ZNF112: variants seen among roughly 807,000 people sequenced by gnomAD.
ZNF112 encodes zinc finger protein 112 (Y14).
A neutral mutation model predicts 77.7 loss-of-function variants in ZNF112; 37 were observed. The observed-to-expected ratio is 0.48, with a 90% CI of 0.37 to 0.63. The LOEUF (loss-of-function observed/expected upper bound fraction) is 0.63, where lower values mean the gene tolerates loss of function less well. Among genes scored for constraint, ZNF112 ranks in the 20% least tolerant of loss-of-function variants. ZNF112 has a pLI of 0.00. For missense variants in ZNF112, 950 were observed against 1,077.4 expected (o/e 0.88, Z 1.66); for synonymous variants, 333 against 363.6 (o/e 0.92, Z 0.96).
At chr19:44,348,691 A>G (rs1970639739) in intron 1 of ZNF112, among the ~76,000 whole-genome samples, 1 of 152,160 alleles carries the variant, frequency 6.6e-6, no homozygotes, top group African/African-American at 2.4e-5. Flanking sequence ...AGATGCAGTG[A>G]AGTGGAAATG....
intron 1 of ZNF112, among the ~76,000 whole-genome samples, chr19:44,346,028 T>C (rs1970582872): frequency 6.6e-6 from 1 of 152,186 alleles, no homozygotes; most frequent in African/African-American, 2.4e-5. Context: ...CCACAGGCAA[T>C]TTGCCCACTC....
At chr19:44,337,517 G>C (rs551390309) in intron 2 of ZNF112, among the ~76,000 whole-genome samples, 4 of 140,592 alleles carry the variant, frequency 2.8e-5, no homozygotes, top group African/African-American at 1.0e-4. Context: ...TATTCTTTTG[G>C]ACATGGCTAT....
At chr19:44,365,159 T>TAC (rs1170894457) in intron 1 of ZNF112, among the ~76,000 whole-genome samples, 1 of 151,950 alleles carries the variant, frequency 6.6e-6, no homozygotes, top group African/African-American at 2.4e-5. Context: ...AGTTTTGAAA[T>TAC]ATATATCAGG....
intron 3 of ZNF112, among the ~76,000 whole-genome samples, chr19:44,332,667 G>A (rs1256240201): frequency 6.6e-6 from 1 of 152,120 alleles, no homozygotes; most frequent in Non-Finnish European, 1.5e-5. Context: ...GAACATGAAA[G>A]TAGCTTGTTA....
chr19:44,328,773 C>T lies in ZNF112; in HGVS notation c.1384G>A (p.Glu462Lys). 2 of 1,614,046 alleles carry T rather than the reference C, an allele frequency of 1.2e-6. No individual in the cohort carries two copies. The highest frequency in any genetic ancestry group is 1.1e-5 in the South Asian group (1 of 91,076). The change falls in exon 4 of 4, where the codon GAA becomes AAA. Residue 462 changes from glutamate to lysine, a missense_variant. Glu to Lys is a moderately conservative substitution (Grantham distance 56). Transcript: ENST00000354340. ...CACACATAGCGTTTATATGGTTGTT[C>T]CTTAGTGTGGACTATCTGAAGGTCC... is the stretch of plus-strand genomic sequence containing the variant. ...FQDLQIVHTK[E>K]QPYKRYVCSN...
chr19:44,338,619 G>A (rs1183787960), intron 2 of ZNF112, among the ~76,000 whole-genome samples: 3 of 152,150 alleles, frequency 2.0e-5, no homozygotes, highest in African/African-American at 4.8e-5. Context: ...TTAAAAATAA[G>A]GGAAGAGGTG....
chr19:44,340,282 GC>G, intron 2 of ZNF112, 133 bp downstream of exon 2: 1 of 1,198,664 alleles, frequency 8.3e-7, no homozygotes, highest in East Asian at 2.4e-5. Flanking sequence ...TGTCTGTGTT[GC>G]ACGGGGATTA....
intron 1 of ZNF112, among the ~76,000 whole-genome samples, chr19:44,345,065 G>T: frequency 6.6e-6 from 1 of 152,170 alleles, no homozygotes; most frequent in Non-Finnish European, 1.5e-5. Context: ...TAGGACAGTG[G>T]CTCTTAAGCT....
Position 44,327,207 on chromosome 19 carries a change from G to A in ZNF112, c.*226C>T. 2.2e-6 allele frequency: 1 copy of A among 450,862 alleles called. No individual in the cohort carries two copies. The highest frequency in any genetic ancestry group is 4.3e-5 in the South Asian group (1 of 23,472). 27.9% of individuals were successfully genotyped at this position (450,862 alleles called of 1,614,324 possible). A position where few individuals can be genotyped will look rare whatever the true frequency, so the allele number is the denominator to read the frequency against. On this transcript the variant is annotated 3_prime_UTR_variant, in exon 4 of 4. Coordinates refer to ENST00000354340, the MANE Select transcript of ZNF112 (RefSeq NM_013380.4). ...ATCACTGTACTTTTATTAAATTCCT[G>A]ACCATACTCATATTTTATAAGCCTT...
At chr19:44,342,734 G>C (rs1970512935) in intron 1 of ZNF112, among the ~76,000 whole-genome samples, 1 of 151,398 alleles carries the variant, frequency 6.6e-6, no homozygotes, top group African/African-American at 2.4e-5. Flanking sequence ...AGAATTGCTG[G>C]AATCCAGGAG....
At chr19:44,363,473 G>T (rs1334461012) in intron 1 of ZNF112, among the ~76,000 whole-genome samples, 1 of 151,928 alleles carries the variant, frequency 6.6e-6, no homozygotes, top group East Asian at 1.9e-4. Context: ...TTCCCCCAGT[G>T]GCAACCACTG....
chr19:44,339,669 G>T (rs1293713240), intron 2 of ZNF112, among the ~76,000 whole-genome samples: 1 of 152,146 alleles, frequency 6.6e-6, no homozygotes, highest in Non-Finnish European at 1.5e-5. Flanking sequence ...TCCCTGTAAT[G>T]AATCATTAAC....
intron 1 of ZNF112, among the ~76,000 whole-genome samples, chr19:44,348,798 G>C (rs892670739): frequency 1.3e-5 from 2 of 152,052 alleles, no homozygotes; most frequent in African/African-American, 4.8e-5. Context: ...AGATATTATA[G>C]GGAAATGTAT....
chr19:44,337,342 GTATATGTGTA>G (rs1359253645), intron 2 of ZNF112, among the ~76,000 whole-genome samples: 10 of 53,196 alleles, frequency 1.9e-4, no homozygotes, highest in East Asian at 5.7e-4. Flanking sequence ...TATACATTTT[GTATATGTGTA>G]AAATATATAT....
At position 44,328,315 on chromosome 19, in the gene ZNF112, C is replaced by G. The variant is rs1970175169; in HGVS notation, c.1842G>C (p.Arg614=). The change falls in exon 4 of 4, where the codon CGG becomes CGC. Residue 614 remains arginine, a synonymous_variant. Coordinates refer to ENST00000354340, the MANE Select transcript of ZNF112 (RefSeq NM_013380.4). ...TCTGATGGCCTTGAAGGTGTGAACT[C>G]CGACTGAAGCCCTTCCCACACTCCT... The part of the protein sequence containing the change: ...KCEECGKGFS[R]SSHLQGHQRV... 1 of 1,613,742 alleles carries G rather than the reference C, an allele frequency of 6.2e-7. No individual in the cohort carries two copies. The highest frequency in any genetic ancestry group is 1.3e-5 in the African/African-American group (1 of 74,806).
chr19:44,359,740 G>C (rs942675260), upstream of ZNF112, among the ~76,000 whole-genome samples: 2 of 152,054 alleles, frequency 1.3e-5, no homozygotes, highest in Non-Finnish European at 2.9e-5. Context: ...TTACAAACTT[G>C]TTTAGAAATT....
At chr19:44,366,799 A>T (rs1277988976) in intron 1 of ZNF112, among the ~76,000 whole-genome samples, 1 of 146,758 alleles carries the variant, frequency 6.8e-6, no homozygotes, top group Admixed American at 6.8e-5. Context: ...TCGGGAAATT[A>T]AAAAAAAAAA....
chr19:44,336,249 C>T (rs896092098), intron 3 of ZNF112, among the ~76,000 whole-genome samples: 2 of 152,212 alleles, frequency 1.3e-5, no homozygotes. Context: ...ATTTATTCTA[C>T]ACCTATTAGC....
intron 1 of ZNF112, among the ~76,000 whole-genome samples, chr19:44,363,589 A>T (rs1212567332): frequency 6.6e-6 from 1 of 152,206 alleles, no homozygotes; most frequent in Non-Finnish European, 1.5e-5. Context: ...AGTGTTTTTC[A>T]GATCCATCCA....
Sources: gnomAD v4.1 joint callset for allele counts (sites outside exome capture counted in the v4.1 genomes callset) on GRCh38, gnomAD v4.1.1 for gene constraint, MANE v1.5 for transcripts, NCBI Gene and HGNC (gene_info 2026-07-23, HGNC 2026-07-21) for gene names.